VTA1: variants seen among roughly 807,000 people sequenced by gnomAD.
The protein encoded by VTA1 is vesicle trafficking 1, also known as vacuolar protein sorting-associated protein VTA1 homolog.
Under a neutral mutation model 36.9 loss-of-function variants are expected in VTA1, and 24 were observed. The ratio of observed to expected loss-of-function variants is 0.65; its 90% CI spans 0.47 to 0.91. The LOEUF (loss-of-function observed/expected upper bound fraction) is 0.91, where lower values mean the gene tolerates loss of function less well. VTA1 is among the 40% of genes least tolerant of loss of function. The pLI is 0.00. For missense variants in VTA1, 393 were observed against 377.2 expected (o/e 1.04, Z -0.35); for synonymous variants, 142 against 130.2 (o/e 1.09, Z -0.62).
chr6:142,151,073 T>C (rs942172564), intron 1 of VTA1, among the ~76,000 whole-genome samples: 1 of 152,098 alleles, frequency 6.6e-6, no homozygotes, highest in South Asian at 2.1e-4. Context: ...TCAGGAACAG[T>C]TGGTCAGTGG....
chr6:142,203,935 A>G, intron 6 of VTA1, 50 bp from the exon 7 acceptor site: 1 of 1,487,162 alleles, frequency 6.7e-7, no homozygotes, highest in South Asian at 1.1e-5. Context: ...CTGCTGTATA[A>G]TTAAAAGGTG....
chr6:142,193,211 T>C (rs893361054), intron 5 of VTA1, among the ~76,000 whole-genome samples: 2 of 152,140 alleles, frequency 1.3e-5, no homozygotes, highest in South Asian at 4.1e-4. Context: ...GCCTCATAAT[T>C]AGTTTAACCC....
At chr6:142,165,050 C>G (rs1269664031) in intron 1 of VTA1, among the ~76,000 whole-genome samples, 3 of 152,148 alleles carry the variant, frequency 2.0e-5, no homozygotes, top group Non-Finnish European at 4.4e-5. Flanking sequence ...TGTTTAAAAG[C>G]AAACCAATTT....
chr6:142,164,295 A>T (rs1774869445), intron 1 of VTA1, among the ~76,000 whole-genome samples: 1 of 152,112 alleles, frequency 6.6e-6, no homozygotes, highest in African/African-American at 2.4e-5. Flanking sequence ...TGTCAAAGTG[A>T]TCTTCAGTGC....
chr6:142,180,166 T>G (rs1228733750), intron 4 of VTA1, among the ~76,000 whole-genome samples: 2 of 152,230 alleles, frequency 1.3e-5, no homozygotes, highest in Admixed American at 1.3e-4. Context: ...AATTTTATTC[T>G]GCATAAGGAA....
intron 5 of VTA1, among the ~76,000 whole-genome samples, chr6:142,194,102 A>T (rs1011927365): frequency 6.6e-6 from 1 of 152,064 alleles, no homozygotes; most frequent in African/African-American, 2.4e-5. Flanking sequence ...TAGTAAGGTG[A>T]TATTGTTGCA....
At chr6:142,177,037 T>G (rs764025176) in intron 4 of VTA1, among the ~76,000 whole-genome samples, 5 of 152,210 alleles carry the variant, frequency 3.3e-5, no homozygotes, top group Admixed American at 2.0e-4. Context: ...AGAGATATTT[T>G]CCAACTACAA....
chr6:142,199,549 A>T (rs970990880), intron 6 of VTA1, among the ~76,000 whole-genome samples: 1 of 144,252 alleles, frequency 6.9e-6, no homozygotes. Context: ...CTTTACTTTT[A>T]TTTGTCAGCC....
At chr6:142,201,765 C>T (rs1320741421) in intron 6 of VTA1, among the ~76,000 whole-genome samples, 3 of 151,978 alleles carry the variant, frequency 2.0e-5, no homozygotes, top group African/African-American at 7.2e-5. Flanking sequence ...GCATTTCTCT[C>T]AACCCTGTTT....
chr6:142,212,058 A>G (rs2114686730), intron 7 of VTA1, among the ~76,000 whole-genome samples: 1 of 152,342 alleles, frequency 6.6e-6, no homozygotes, highest in South Asian at 2.1e-4. Context: ...ACTCTCATTC[A>G]TTGCTGGTGG....
rs1028097738 is a variant in VTA1, at chr6:142,223,237, C to G, written c.*4594C>G. Reference sequence around the variant, plus strand: ...CTCAATATCTGGAATATACACTGATCTATGACCTGAAATTGTATGGACTGC... The same window carrying G: ...CTCAATATCTGGAATATACACTGATGTATGACCTGAAATTGTATGGACTGC... On this transcript the variant is annotated 3_prime_UTR_variant, in exon 8 of 8. Transcript: ENST00000367630. The G allele has an allele frequency of 4.6e-5, 7 of 152,206 alleles. No individual in the cohort carries two copies. Among genetic ancestry groups the G allele is most frequent in the African/African-American group, 1.7e-4 (7 of 41,448 alleles). The allele number at this position is 152,206 out of a possible 1,614,324, so 9.4% of individuals were successfully genotyped here.
chr6:142,165,904 A>G (rs547412918), intron 1 of VTA1, among the ~76,000 whole-genome samples: 121 of 151,358 alleles, frequency 8.0e-4, no homozygotes, highest in African/African-American at 2.8e-3. Flanking sequence ...TCTTGTACAT[A>G]TGGTTGTTTG....
At chr6:142,165,006 T>C (rs73572396) in intron 1 of VTA1, among the ~76,000 whole-genome samples, 132 of 152,332 alleles carry the variant, frequency 8.7e-4, no homozygotes, top group African/African-American at 2.8e-3. Context: ...ATATCTCTAC[T>C]TCATACAGTA....
chr6:142,196,825 C>T (rs1775559794), intron 5 of VTA1, among the ~76,000 whole-genome samples: 1 of 152,086 alleles, frequency 6.6e-6, no homozygotes, highest in South Asian at 2.1e-4. Context: ...TTATCTTTCT[C>T]TGCAAAGTCT....
intron 4 of VTA1, among the ~76,000 whole-genome samples, chr6:142,184,866 G>A (rs892495697): frequency 2.0e-5 from 3 of 152,130 alleles, no homozygotes; most frequent in Non-Finnish European, 4.4e-5. Context: ...AGAGGAAAAT[G>A]TGTGGAAATG....
intron 4 of VTA1, among the ~76,000 whole-genome samples, chr6:142,172,626 T>C (rs1294990799): frequency 6.6e-6 from 1 of 152,242 alleles, no homozygotes; most frequent in Non-Finnish European, 1.5e-5. Context: ...TAACTCCCTT[T>C]TACCTCATCT....
At chr6:142,157,719 G>GTA (rs1201364244) in intron 1 of VTA1, among the ~76,000 whole-genome samples, 3 of 151,906 alleles carry the variant, frequency 2.0e-5, no homozygotes, top group Admixed American at 6.6e-5. Flanking sequence ...AACAGTCAAG[G>GTA]TATATATATA....
intron 5 of VTA1, among the ~76,000 whole-genome samples, chr6:142,194,127 C>T (rs999477148): frequency 5.3e-5 from 8 of 152,108 alleles, no homozygotes; most frequent in Non-Finnish European, 8.8e-5. Flanking sequence ...GCCACTCCTA[C>T]GACCAAAAGA....
chr6:142,159,765 G>A (rs1299747249), intron 1 of VTA1, among the ~76,000 whole-genome samples: 2 of 151,578 alleles, frequency 1.3e-5, no homozygotes, highest in Non-Finnish European at 2.9e-5. Flanking sequence ...CACCCACCTC[G>A]GCCTCCCAAA....
Sources: allele counts gnomAD v4.1 joint callset (sites outside exome capture counted in the v4.1 genomes callset), GRCh38; gene constraint gnomAD v4.1.1; transcripts MANE v1.5; gene names NCBI Gene and HGNC (gene_info 2026-07-23, HGNC 2026-07-21).